The following PRDM5 variants were observed in gnomAD, a reference collection of about 807,000 sequenced individuals.
PRDM5 encodes the protein PR/SET domain 5.
In PRDM5, 56 loss-of-function variants were observed where a neutral mutation model predicts 81.2. That is an observed-to-expected ratio of 0.69 (90% CI 0.56 to 0.86). The LOEUF is 0.86. Among genes scored for constraint, PRDM5 ranks in the 40% least tolerant of loss-of-function variants. PRDM5 has a pLI of 0.00. For synonymous variants in PRDM5, 267 were observed against 256.4 expected (o/e 1.04, Z -0.39); for missense variants, 697 against 770.1 (o/e 0.91, Z 1.12).
chr4:120,844,301 G>C (rs145646490), intron 3 of PRDM5, among the ~76,000 whole-genome samples: 2 of 152,114 alleles, frequency 1.3e-5, no homozygotes, highest in African/African-American at 4.8e-5. Flanking sequence ...ACTTACAGGC[G>C]TACTTTGTTT....
rs563633538 is a variant in PRDM5 at position 120,735,340 on chromosome 4, T to C, written c.1623+19213A>G. Among the ~76,000 whole-genome samples the C allele has an allele frequency of 2.2e-3, 332 of 152,322 alleles. 4 individuals carry two copies. The highest frequency in any genetic ancestry group is 3.5e-3 in the Non-Finnish European group (239 of 68,030). ...AAACTAAAAGTTCCTTAAATAATCCTTTCAAATGAAACTCTGTCTAAATTT... is the reference window on the plus strand; with the variant it reads ...AAACTAAAAGTTCCTTAAATAATCCCTTCAAATGAAACTCTGTCTAAATTT... On this transcript the variant is annotated intron_variant, in intron 14 of 15. Coordinates refer to ENST00000264808, the MANE Select transcript of PRDM5 (RefSeq NM_018699.4).
At chr4:120,796,525 G>A (rs1365702301) in intron 10 of PRDM5, among the ~76,000 whole-genome samples, 2 of 152,146 alleles carry the variant, frequency 1.3e-5, no homozygotes, top group Non-Finnish European at 2.9e-5. Flanking sequence ...TTTCATCAGA[G>A]AAAGGAATAA....
At chr4:120,862,380 T>C (rs1359204647) in intron 2 of PRDM5, among the ~76,000 whole-genome samples, 2 of 152,172 alleles carry the variant, frequency 1.3e-5, no homozygotes, top group African/African-American at 2.4e-5. Flanking sequence ...TACTGATCAC[T>C]ATAAAGGACA....
At chr4:120,759,249 C>T (rs1045536239) in intron 13 of PRDM5, among the ~76,000 whole-genome samples, 1 of 152,166 alleles carries the variant, frequency 6.6e-6, no homozygotes, top group Admixed American at 6.5e-5. Context: ...TCATTCTATC[C>T]TAGAATGTAC....
intron 15 of PRDM5, among the ~76,000 whole-genome samples, chr4:120,697,158 T>C (rs1489604069): frequency 6.6e-6 from 1 of 152,174 alleles, no homozygotes; most frequent in East Asian, 1.9e-4. Flanking sequence ...AACACACGCA[T>C]ACTGTACTTG....
chr4:120,770,719 T>C (rs1747149304), intron 13 of PRDM5, among the ~76,000 whole-genome samples: 1 of 152,190 alleles, frequency 6.6e-6, no homozygotes, highest in Non-Finnish European at 1.5e-5. Context: ...TATTTTTATA[T>C]GCACTTCTTC....
At position 120,712,771 on chromosome 4, in the gene PRDM5, T is replaced by C. The variant is rs1737196145; in HGVS notation, c.1624-2358A>G. Among the ~76,000 whole-genome samples, 2 of 152,232 alleles carry C rather than the reference T, an allele frequency of 1.3e-5. 1 individual carries two copies. Among genetic ancestry groups the C allele is most frequent in the South Asian group, 4.1e-4 (2 of 4,834 alleles). On this transcript the variant is annotated intron_variant, in intron 14 of 15. Coordinates refer to ENST00000264808, the MANE Select transcript of PRDM5 (RefSeq NM_018699.4). ...GTCCTCGCTTTCATTTTTGTGAACATATGTAGCTCATATTTACTAATTTTC... is the reference window on the plus strand; with the variant it reads ...GTCCTCGCTTTCATTTTTGTGAACACATGTAGCTCATATTTACTAATTTTC...
At chr4:120,730,678 T>TTA (rs1035934367) in intron 14 of PRDM5, among the ~76,000 whole-genome samples, 9 of 152,278 alleles carry the variant, frequency 5.9e-5, no homozygotes, top group East Asian at 1.9e-4. Flanking sequence ...AAAACTCTCT[T>TTA]TATATATATA....
chr4:120,839,637 T>C (rs1180150731), intron 3 of PRDM5, among the ~76,000 whole-genome samples: 1 of 152,214 alleles, frequency 6.6e-6, no homozygotes, highest in East Asian at 1.9e-4. Context: ...GTTCCCATTC[T>C]GGTCGACCGG....
intron 14 of PRDM5, among the ~76,000 whole-genome samples, chr4:120,718,575 G>C (rs1433568359): frequency 6.6e-6 from 1 of 152,148 alleles, no homozygotes; most frequent in African/African-American, 2.4e-5. Context: ...TTCTGCAAAA[G>C]TGGAACATTT....
At chr4:120,895,864 G>A (rs1279177514) in intron 2 of PRDM5, among the ~76,000 whole-genome samples, 1 of 152,028 alleles carries the variant, frequency 6.6e-6, no homozygotes, top group Non-Finnish European at 1.5e-5. Flanking sequence ...GTAGAGACAG[G>A]GTCTTGCTTT....
At chr4:120,857,572 T>C (rs757224570) in intron 2 of PRDM5, among the ~76,000 whole-genome samples, 2 of 152,216 alleles carry the variant, frequency 1.3e-5, no homozygotes, top group African/African-American at 2.4e-5. Context: ...TGCTGGTCAT[T>C]GCTACCATGT....
rs201359055 is a variant in PRDM5, at chr4:120,754,402, TA to T, written c.1623+150del. 968 of 518,874 alleles carry T rather than the reference TA, an allele frequency of 1.9e-3. 14 individuals are homozygous for T. The East Asian group carries it at 0.026, about 14-fold the overall frequency. The allele number at this position is 518,874 out of a possible 1,614,324, so 32.1% of individuals were successfully genotyped here. ...TTCTTTTCTTTCATTGTTTTATCTT[TA>T]AAAAAAATTATCCTGAAATATCTGT... On this transcript the variant is annotated intron_variant, in intron 14 of 15. Transcript: ENST00000264808.
In PRDM5 at chr4:120,695,208, C is replaced by A; in HGVS notation, c.1796G>T (p.Arg599Leu). The change falls in exon 16 of 16, where the codon CGT becomes CTT. Residue 599 changes from arginine to leucine, a missense_variant. Coordinates refer to ENST00000264808, the MANE Select transcript of PRDM5 (RefSeq NM_018699.4). ...IRHKMTHNPN[R>L]PLAECQFCHK... is the part of the protein sequence containing the mutation. ...GCAAAACTGGCATTCTGCCAGGGGA[C>A]GATTGGGATTATGAGTCATCTTGTG... 6.2e-7 allele frequency: 1 copy of A among 1,613,534 alleles called. No homozygotes were observed. The highest frequency in any genetic ancestry group is 8.5e-7 in the Non-Finnish European group (1 of 1,179,652).
At chr4:120,777,085 T>C (rs759254136) in intron 13 of PRDM5, 103 bp downstream of exon 13, 45 of 1,586,048 alleles carry the variant, frequency 2.8e-5, no homozygotes, top group Non-Finnish European at 3.7e-5. Flanking sequence ...CCAAGATTAA[T>C]TCTTAATCTG....
intron 15 of PRDM5, among the ~76,000 whole-genome samples, chr4:120,700,520 G>A (rs1053079082): frequency 7.9e-5 from 12 of 152,070 alleles, no homozygotes; most frequent in African/African-American, 2.6e-4. Flanking sequence ...ACAGACAACT[G>A]ACAGAATGAG....
At chr4:120,789,924 C>A (rs1750328231) in intron 10 of PRDM5, among the ~76,000 whole-genome samples, 1 of 152,178 alleles carries the variant, frequency 6.6e-6, no homozygotes, top group African/African-American at 2.4e-5. Flanking sequence ...TGCTTCAAAG[C>A]CACAATTCCA....
At chr4:120,696,653 CTG>C (rs1255770437) in intron 15 of PRDM5, among the ~76,000 whole-genome samples, 2 of 152,192 alleles carry the variant, frequency 1.3e-5, no homozygotes, top group African/African-American at 2.4e-5. Flanking sequence ...ATAAAATACT[CTG>C]TGTAAATAAG....
At chr4:120,732,882 T>C (rs976104250) in intron 14 of PRDM5, among the ~76,000 whole-genome samples, 17 of 152,334 alleles carry the variant, frequency 1.1e-4, no homozygotes, top group Non-Finnish European at 2.2e-4. Flanking sequence ...TGACCTCTTA[T>C]ATGCTTTGCA....
Sources: gnomAD v4.1 joint callset for allele counts (sites outside exome capture counted in the v4.1 genomes callset) on GRCh38, gnomAD v4.1.1 for gene constraint, MANE v1.5 for transcripts, NCBI Gene and HGNC (gene_info 2026-07-23, HGNC 2026-07-21) for gene names.